Variants in ALKBH3 observed in about 807,000 individuals in gnomAD.
ALKBH3 encodes alpha-ketoglutarate-dependent dioxygenase alkB homolog 3.
In ALKBH3, 51 loss-of-function variants were observed where a neutral mutation model predicts 43.9. The ratio of observed to expected loss-of-function variants is 1.16; its 90% confidence interval spans 0.93 to 1.47. The LOEUF (loss-of-function observed/expected upper bound fraction) is 1.47, where lower values mean the gene tolerates loss of function less well. ALKBH3 is among the 40% of genes most tolerant of loss of function. ALKBH3 has a pLI of 0.00. For missense variants in ALKBH3, 361 were observed against 351.9 expected, an observed-to-expected ratio of 1.03 and a Z score of -0.21; for synonymous variants, 102 against 115.2, an observed-to-expected ratio of 0.89 and a Z score of 0.73.
chr11:43,899,097 G>A (rs1394186161), intron 7 of ALKBH3: 3 of 758,280 alleles, frequency 4.0e-6, no homozygotes, highest in Non-Finnish European at 7.4e-6. Flanking sequence ...CATGTACAAA[G>A]GGGACATTGT....
At chr11:43,888,044 G>T (rs1951758467) in intron 5 of ALKBH3, among the ~76,000 whole-genome samples, 1 of 150,018 alleles carries the variant, frequency 6.7e-6, no homozygotes, top group South Asian at 2.1e-4. Context: ...TGATCCACCT[G>T]CCTTGGCCTC....
intron 8 of ALKBH3, among the ~76,000 whole-genome samples, chr11:43,915,101 G>T (rs907741619): frequency 6.6e-6 from 1 of 151,758 alleles, no homozygotes; most frequent in African/African-American, 2.4e-5. Context: ...CCAGCTACTC[G>T]GGAGGCTGAG....
chr11:43,900,500 G>A (rs976341322), intron 7 of ALKBH3, among the ~76,000 whole-genome samples: 5 of 152,224 alleles, frequency 3.3e-5, no homozygotes, highest in African/African-American at 4.8e-5. Context: ...GGGATTACAG[G>A]TGTGAGCCAT....
chr11:43,896,110 C>G (rs1262591673), intron 7 of ALKBH3, among the ~76,000 whole-genome samples: 1 of 152,126 alleles, frequency 6.6e-6, no homozygotes, highest in Non-Finnish European at 1.5e-5. Context: ...GACATTTCCT[C>G]ATAAATGAGT....
At chr11:43,888,529 A>G (rs1006595208) in intron 5 of ALKBH3, among the ~76,000 whole-genome samples, 1 of 152,274 alleles carries the variant, frequency 6.6e-6, no homozygotes, top group Non-Finnish European at 1.5e-5. Context: ...ACTAATTGTC[A>G]CTATAAAATA....
chr11:43,919,788 G>T (rs1952012240), intron 9 of ALKBH3, 130 bp from the exon 10 acceptor site: 1 of 848,380 alleles, frequency 1.2e-6, no homozygotes, highest in Admixed American at 2.3e-5. Flanking sequence ...AGACTTCAAA[G>T]AGCTTACTAC....
chr11:43,883,001 G>A (rs535308405), intron 2 of ALKBH3, 84 bp from the exon 3 acceptor site: 1 of 1,087,004 alleles, frequency 9.2e-7, no homozygotes, highest in South Asian at 1.4e-5. Context: ...TCATCTCCAA[G>A]TGGGCTTTAT....
chr11:43,901,780 A>T (rs1238015566), intron 8 of ALKBH3, 55 bp downstream of exon 8: 1 of 1,583,354 alleles, frequency 6.3e-7, no homozygotes, highest in East Asian at 2.2e-5. Context: ...CTGTGGAAAA[A>T]GTAGAACTCC....
At chr11:43,882,479 C>T in intron 1 of ALKBH3, 104 bp from the exon 2 acceptor site, 1 of 513,688 alleles carries the variant, frequency 1.9e-6, no homozygotes, top group Non-Finnish European at 3.4e-6. Flanking sequence ...TACATGGAAG[C>T]TCTATTGCCA....
chr11:43,905,770 C>G (rs917511193), intron 8 of ALKBH3, among the ~76,000 whole-genome samples: 2 of 152,132 alleles, frequency 1.3e-5, no homozygotes, highest in African/African-American at 4.8e-5. Flanking sequence ...CTTCTTGTCC[C>G]AAACCCAGTT....
At chr11:43,898,538 T>C in intron 7 of ALKBH3, 2 of 802,676 alleles carry the variant, frequency 2.5e-6, no homozygotes, top group South Asian at 2.7e-5. Flanking sequence ...GTTCTCTCCA[T>C]AAATGAAGAA....
intron 8 of ALKBH3, among the ~76,000 whole-genome samples, chr11:43,907,882 T>C (rs539294660): frequency 1.7e-3 from 252 of 152,224 alleles, no homozygotes; most frequent in African/African-American, 5.7e-3. Context: ...CACGGTCTGA[T>C]TGGCAATTTT....
chr11:43,884,483 A>G (rs888105485), intron 4 of ALKBH3, among the ~76,000 whole-genome samples: 2 of 151,810 alleles, frequency 1.3e-5, no homozygotes, highest in Non-Finnish European at 2.9e-5. Flanking sequence ...AACAATTTAA[A>G]TGATAGTAAA....
At chr11:43,898,594 A>G (rs1273664707) in intron 7 of ALKBH3, 7 of 751,590 alleles carry the variant, frequency 9.3e-6, no homozygotes, top group Middle Eastern at 2.6e-4. Flanking sequence ...TGTTTGGCCT[A>G]TCAGCTCATG....
intron 8 of ALKBH3, chr11:43,918,787 A>G: frequency 2.3e-6 from 1 of 425,640 alleles, no homozygotes; most frequent in Non-Finnish European, 4.2e-6. Flanking sequence ...CACATATTCT[A>G]TCAATGGAGG....
At chr11:43,890,010 G>T (rs1349126407) in intron 6 of ALKBH3, among the ~76,000 whole-genome samples, 182 bp downstream of exon 6, 1 of 152,184 alleles carries the variant, frequency 6.6e-6, no homozygotes, top group African/African-American at 2.4e-5. Context: ...AGAAACAGCA[G>T]GTGGAAGGCC....
intron 8 of ALKBH3, among the ~76,000 whole-genome samples, chr11:43,911,425 T>C (rs1181328418): frequency 6.6e-6 from 1 of 151,982 alleles, no homozygotes; most frequent in African/African-American, 2.4e-5. Context: ...GCTGGAGGAG[T>C]TCCTTCTTCT....
At chr11:43,905,876 A>G (rs1311746897) in intron 8 of ALKBH3, among the ~76,000 whole-genome samples, 1 of 152,204 alleles carries the variant, frequency 6.6e-6, no homozygotes, top group Non-Finnish European at 1.5e-5. Flanking sequence ...ACAAGCTGGA[A>G]AAGGAACTAC....
intron 7 of ALKBH3, among the ~76,000 whole-genome samples, chr11:43,895,808 C>G (rs776978435): frequency 6.6e-6 from 1 of 152,134 alleles, no homozygotes; most frequent in Non-Finnish European, 1.5e-5. Flanking sequence ...TCATTGTGTT[C>G]GTCATCATCA....
Sources: allele counts gnomAD v4.1 joint callset (sites outside exome capture counted in the v4.1 genomes callset), GRCh38; gene constraint gnomAD v4.1.1; transcripts MANE v1.5; gene names NCBI Gene and HGNC (gene_info 2026-07-23, HGNC 2026-07-21).